The following MACROD2 variants were observed in gnomAD, a reference collection of about 807,000 sequenced individuals.
The protein encoded by MACROD2 is ADP-ribose glycohydrolase MACROD2.
Under a neutral mutation model 70.4 loss-of-function variants are expected in MACROD2, and 36 were observed. That is an observed-to-expected ratio of 0.51 (90% CI 0.39 to 0.68). The LOEUF (loss-of-function observed/expected upper bound fraction) is 0.68. Among genes scored for constraint, MACROD2 ranks in the 30% least tolerant of loss-of-function variants. The pLI is 0.00. For synonymous variants in MACROD2, 172 were observed against 178.8 expected (o/e 0.96, Z 0.30); for missense variants, 496 against 538.4 (o/e 0.92, Z 0.78).
intron 6 of MACROD2, among the ~76,000 whole-genome samples, chr20:15,358,153 G>T (rs1005307022): frequency 7.2e-5 from 11 of 152,138 alleles, no homozygotes; most frequent in Non-Finnish European, 1.0e-4. Flanking sequence ...CAAAATGAGT[G>T]CTCCACCTTC....
At chr20:14,540,947 A>G (rs2085424610) in intron 4 of MACROD2, among the ~76,000 whole-genome samples, 1 of 152,230 alleles carries the variant, frequency 6.6e-6, no homozygotes, top group Admixed American at 6.5e-5. Flanking sequence ...CCAACTGTCC[A>G]TAATTAGCCC....
At chr20:14,523,350 T>A (rs1824166532) in intron 4 of MACROD2, 2 of 152,172 alleles carry the variant, frequency 1.3e-5, no homozygotes, top group South Asian at 4.1e-4. Context: ...GTTGAGTGTC[T>A]CAACCTTCCT....
chr20:14,355,176 C>T (rs2083160960), intron 3 of MACROD2, among the ~76,000 whole-genome samples: 1 of 152,162 alleles, frequency 6.6e-6, no homozygotes, highest in Admixed American at 6.5e-5. Flanking sequence ...TGAGAAACCT[C>T]CAAACTGCTT....
At chr20:15,487,589 A>T (rs912837708) in intron 7 of MACROD2, among the ~76,000 whole-genome samples, 1 of 152,172 alleles carries the variant, frequency 6.6e-6, no homozygotes, top group Admixed American at 6.6e-5. Context: ...AGTCTTGCCC[A>T]CTGGACCACC....
chr20:15,107,159 C>T (rs1423822491), intron 5 of MACROD2, among the ~76,000 whole-genome samples: 1 of 151,384 alleles, frequency 6.6e-6, no homozygotes, highest in African/African-American at 2.4e-5. Context: ...TTTTATGGAA[C>T]CATAAAATAT....
chr20:14,611,477 G>T (rs892977079), intron 4 of MACROD2, among the ~76,000 whole-genome samples: 1 of 147,558 alleles, frequency 6.8e-6, no homozygotes, highest in South Asian at 2.1e-4. Flanking sequence ...TTTTTTGGCG[G>T]GGGGTCATAT....
rs2122824776 is a variant in MACROD2 at position 14,397,608 on chromosome 20, T to C, written c.272-95871T>C. ...AAATAATCAGTTATCTTTTTCCCTT[T>C]CATTTTTAGTTGATACATAATAATT... On this transcript the variant is annotated intron_variant, in intron 3 of 17. Transcript: ENST00000684519. Among the ~76,000 whole-genome samples, 3 of 152,274 alleles carry C rather than the reference T, an allele frequency of 2.0e-5. No homozygotes were observed. The South Asian group carries it at 6.2e-4, about 32-fold the overall frequency.
intron 8 of MACROD2, among the ~76,000 whole-genome samples, chr20:15,663,398 C>A (rs12479845): frequency 0.11 from 16,981 of 151,830 alleles, 1,387 homozygotes; most frequent in East Asian, 0.38. Flanking sequence ...CCATGCTTGG[C>A]TAATTTTTTG....
chr20:14,047,655 T>C (rs1233944808), intron 2 of MACROD2, among the ~76,000 whole-genome samples: 1 of 152,062 alleles, frequency 6.6e-6, no homozygotes, highest in African/African-American at 2.4e-5. Flanking sequence ...TTGTTTGAAA[T>C]GGAGGTGGCA....
chr20:14,370,332 G>A (rs547637748), intron 3 of MACROD2, among the ~76,000 whole-genome samples: 1 of 152,176 alleles, frequency 6.6e-6, no homozygotes, highest in Non-Finnish European at 1.5e-5. Context: ...AAAGAAAAAG[G>A]TAGCTTTTGA....
chr20:14,283,511 C>G (rs2082322190), intron 3 of MACROD2, among the ~76,000 whole-genome samples: 1 of 152,122 alleles, frequency 6.6e-6, no homozygotes, highest in Admixed American at 6.5e-5. Flanking sequence ...TTTGCACTTA[C>G]AGGTTATCTA....
intron 3 of MACROD2, among the ~76,000 whole-genome samples, chr20:14,387,951 T>C (rs184711960): frequency 6.6e-6 from 1 of 152,182 alleles, no homozygotes; most frequent in East Asian, 1.9e-4. Flanking sequence ...TTTCCTTTTT[T>C]CCCTTTGGTT....
At chr20:14,315,123 G>A (rs910216487) in intron 3 of MACROD2, among the ~76,000 whole-genome samples, 2 of 152,176 alleles carry the variant, frequency 1.3e-5, no homozygotes, top group South Asian at 2.1e-4. Context: ...GATAGAAAAG[G>A]CAGGAGATCT....
chr20:14,228,586 C>A (rs1160879993), intron 3 of MACROD2, among the ~76,000 whole-genome samples: 1 of 152,222 alleles, frequency 6.6e-6, no homozygotes, highest in East Asian at 1.9e-4. Context: ...GAATTGCTTA[C>A]ATAAGTTAGA....
At chr20:14,238,136 G>C (rs2081894422) in intron 3 of MACROD2, among the ~76,000 whole-genome samples, 1 of 152,142 alleles carries the variant, frequency 6.6e-6, no homozygotes, top group African/African-American at 2.4e-5. Flanking sequence ...TTCCACAATG[G>C]TTGAACTAGT....
At chr20:15,415,713 G>GTAAAATCATAAA (rs2046138496) in intron 6 of MACROD2, among the ~76,000 whole-genome samples, 1 of 152,206 alleles carries the variant, frequency 6.6e-6, no homozygotes, top group Non-Finnish European at 1.5e-5. Context: ...TATTCATCAA[G>GTAAAATCATAAA]TCAATACTTG....
chr20:15,755,011 A>G (rs1207448568), intron 8 of MACROD2, among the ~76,000 whole-genome samples: 1 of 152,016 alleles, frequency 6.6e-6, no homozygotes, highest in Non-Finnish European at 1.5e-5. Context: ...GGTGTGTACC[A>G]CCACAGCCAG....
At chr20:15,422,164 T>A (rs2046237659) in intron 6 of MACROD2, among the ~76,000 whole-genome samples, 1 of 152,168 alleles carries the variant, frequency 6.6e-6, no homozygotes, top group Non-Finnish European at 1.5e-5. Flanking sequence ...TGATTTTGAA[T>A]TTTATTAAAG....
At chr20:15,139,301 T>G (rs2076173860) in intron 5 of MACROD2, among the ~76,000 whole-genome samples, 1 of 152,164 alleles carries the variant, frequency 6.6e-6, no homozygotes. Flanking sequence ...GGGTGCCAAC[T>G]GTTTTGCACC....
Sources: allele counts gnomAD v4.1 joint callset (sites outside exome capture counted in the v4.1 genomes callset), GRCh38; gene constraint gnomAD v4.1.1; transcripts MANE v1.5; gene names NCBI Gene and HGNC (gene_info 2026-07-23, HGNC 2026-07-21).